Variants in HTD2 observed in about 807,000 individuals in gnomAD.
HTD2 encodes hydroxyacyl-thioester dehydratase type 2, also known as hydroxyacyl-thioester dehydratase type 2, mitochondrial.
Under a neutral mutation model 3.1 loss-of-function variants are expected in HTD2, and 1 was observed. The ratio of observed to expected loss-of-function variants is 0.32; its 90% CI spans 0.11 to 1.52. HTD2 has a LOEUF of 1.52. Ranked by LOEUF, HTD2 falls within the 40% of genes most tolerant of loss-of-function variation. The pLI is 0.39. For missense variants in HTD2, 150 were observed against 79.6 expected (o/e 1.88, Z -3.36); for synonymous variants, 50 against 28.9 (o/e 1.73, Z -2.34).
At chr3:58,306,278 G>A (rs1388570882), upstream of HTD2, 2 of 152,292 alleles carry the variant, frequency 1.3e-5, no homozygotes, top group Non-Finnish European at 2.9e-5. Context: ...CGTGGGGCGG[G>A]ACGAGGAGAA....
chr3:58,312,214 C>T (rs960687397), intron 2 of HTD2, among the ~76,000 whole-genome samples: 36 of 152,244 alleles, frequency 2.4e-4, no homozygotes, highest in African/African-American at 8.4e-4. Flanking sequence ...CATTTACATT[C>T]CTCCCAGTAG....
intron 1 of HTD2, among the ~76,000 whole-genome samples, chr3:58,308,735 T>C (rs1312060343): frequency 1.3e-5 from 2 of 152,230 alleles, no homozygotes; most frequent in Non-Finnish European, 2.9e-5. Flanking sequence ...CTTTCCTTGA[T>C]TGGGCCTCAG....
chr3:58,307,060 T>C (rs1202778399), intron 1 of HTD2, among the ~76,000 whole-genome samples: 1 of 151,958 alleles, frequency 6.6e-6, no homozygotes, highest in East Asian at 1.9e-4. Context: ...GGAAGATCTT[T>C]CCCAGCATGG....
At chr3:58,309,753 G>A (rs941038573) in intron 1 of HTD2, among the ~76,000 whole-genome samples, 3 of 152,116 alleles carry the variant, frequency 2.0e-5, no homozygotes, top group South Asian at 2.1e-4. Flanking sequence ...GTAGCCGGGC[G>A]TGGTAGCACA....
At position 58,319,635 on chromosome 3, in the gene HTD2, A is replaced by G. The variant is rs1006781088; in HGVS notation, c.*1515A>G. ...TATGAGTAATACATGCTTATAGTAA[A>G]AAAAAAAAAATTGTAAGAAATAAAT... is the stretch of plus-strand genomic sequence containing the variant. On this transcript the variant is annotated 3_prime_UTR_variant, in exon 5 of 5. Transcript: ENST00000461393. 1 of 150,558 alleles carries G rather than the reference A, an allele frequency of 6.6e-6. No homozygotes were observed. The highest frequency in any genetic ancestry group is 6.6e-5 in the Admixed American group (1 of 15,074). 9.3% of individuals were successfully genotyped at this position (150,558 alleles called of 1,614,324 possible).
chr3:58,314,076 C>T (rs893883593), intron 2 of HTD2, among the ~76,000 whole-genome samples: 9 of 152,046 alleles, frequency 5.9e-5, no homozygotes, highest in African/African-American at 1.4e-4. Context: ...ACACATGGGG[C>T]GTGGTGGCTC....
chr3:58,317,103 G>T (rs1286197585), intron 4 of HTD2, 110 bp downstream of exon 4: 2 of 773,356 alleles, frequency 2.6e-6, no homozygotes, highest in African/African-American at 1.7e-5. Flanking sequence ...TGGTTAAAAT[G>T]ATCTAAGTAG....
intron 1 of HTD2, 52 bp from the exon 2 acceptor site, chr3:58,310,455 A>C: frequency 6.2e-7 from 1 of 1,603,122 alleles, no homozygotes; most frequent in African/African-American, 1.3e-5. Flanking sequence ...TCTAACATGA[A>C]TCTGAATAGA....
Position 58,318,268 on chromosome 3 carries a change from G to C in HTD2, c.*148G>C, listed in dbSNP as rs1334898546. On this transcript the variant is annotated 3_prime_UTR_variant, in exon 5 of 5. Transcript: ENST00000461393. The stretch of plus-strand genomic sequence containing the variant: ...GGAGCAGGAAGAGGGTTGTTCAAAT[G>C]CCCACTTTCCAGTTTGGCCTTATGC... 2 of 554,248 alleles carry C rather than the reference G, an allele frequency of 3.6e-6. No individual in the cohort carries two copies. Among genetic ancestry groups the C allele is most frequent in the Non-Finnish European group, 6.3e-6 (2 of 317,096 alleles). The allele number at this position is 554,248 out of a possible 1,614,324, so 34.3% of individuals were successfully genotyped here. A position where few individuals can be genotyped will look rare whatever the true frequency, so the allele number is the denominator to read the frequency against.
chr3:58,314,350 C>A (rs2097485901), intron 2 of HTD2, among the ~76,000 whole-genome samples: 1 of 151,542 alleles, frequency 6.6e-6, no homozygotes, highest in South Asian at 2.1e-4. Flanking sequence ...GACTCTGTCT[C>A]AAAAAAATAA....
In HTD2 at chr3:58,318,406, C is replaced by G. The variant is rs2097490636; in HGVS notation, c.*286C>G. On this transcript the variant is annotated 3_prime_UTR_variant, in exon 5 of 5. Coordinates refer to ENST00000461393, the MANE Select transcript of HTD2 (RefSeq NM_001348712.2). ...GGCCCGGTGGCTCATGCCTGTAATC[C>G]TGGCACTTTGGGAGGCTGCGGCAGG... The G allele has an allele frequency of 4.5e-6, 1 of 224,006 alleles. No individual in the cohort carries two copies. The highest frequency in any genetic ancestry group is 8.6e-6 in the Non-Finnish European group (1 of 116,060). 13.9% of individuals were successfully genotyped at this position (224,006 alleles called of 1,614,324 possible). A position where few individuals can be genotyped will look rare whatever the true frequency, so the allele number is the denominator to read the frequency against.
chr3:58,310,222 A>AC, intron 1 of HTD2: 2 of 1,067,408 alleles, frequency 1.9e-6, no homozygotes, highest in African/African-American at 1.6e-5. Context: ...AAACAAACAA[A>AC]AAAAACCCAA....
chr3:58,310,168 CT>C (rs11303825), intron 1 of HTD2: 47,456 of 627,856 alleles, frequency 0.076, 2,140 homozygotes, highest in Middle Eastern at 0.11. Flanking sequence ...GATTGTACCA[CT>C]GCACTTCAGC....
Position 58,310,580 on chromosome 3 carries a change from C to A in HTD2, c.-342C>A. 1 of 1,611,668 alleles carries A rather than the reference C, an allele frequency of 6.2e-7. No homozygotes were observed. Among genetic ancestry groups the A allele is most frequent in the Non-Finnish European group, 8.5e-7 (1 of 1,179,070 alleles). On this transcript the variant is annotated 5_prime_UTR_variant, in exon 2 of 5. It adds an upstream start codon to the 5' untranslated region. Coordinates refer to ENST00000461393, the MANE Select transcript of HTD2 (RefSeq NM_001348712.2). ...GCTGCTTATTTCGGCTGTGAAGGAC[C>A]TGTTTGGGGAGGTATGGAATCACTT...
chr3:58,314,105 C>G (rs2097485321), intron 2 of HTD2, among the ~76,000 whole-genome samples: 1 of 151,838 alleles, frequency 6.6e-6, no homozygotes, highest in Admixed American at 6.6e-5. Context: ...AATCCCAGCA[C>G]TTTGGGAGGC....
intron 2 of HTD2, among the ~76,000 whole-genome samples, chr3:58,313,897 T>G (rs2097485072): frequency 6.6e-6 from 1 of 151,684 alleles, no homozygotes; most frequent in Non-Finnish European, 1.5e-5. Context: ...AATATATAAA[T>G]GACATTTGGC....
At chr3:58,317,365 TG>T (rs1298245443) in intron 4 of HTD2, 74 bp from the exon 5 acceptor site, 1 of 947,016 alleles carries the variant, frequency 1.1e-6, no homozygotes, top group East Asian at 2.4e-5. Context: ...CCTGTAAAAC[TG>T]GGCATGTTTC....
At chr3:58,310,008 T>TG (rs1476129901) in intron 1 of HTD2, 2 of 267,202 alleles carry the variant, frequency 7.5e-6, no homozygotes, top group African/African-American at 4.5e-5. Context: ...GAAACCAGCC[T>TG]GGGCAACATG....
At chr3:58,317,308 T>G in intron 4 of HTD2, 132 bp from the exon 5 acceptor site, 2 of 642,254 alleles carry the variant, frequency 3.1e-6, no homozygotes, top group Admixed American at 3.0e-5. Context: ...ATCGAAGGCT[T>G]CCTCTCAGGA....
Sources: gnomAD v4.1 joint callset for allele counts (sites outside exome capture counted in the v4.1 genomes callset) on GRCh38, gnomAD v4.1.1 for gene constraint, MANE v1.5 for transcripts, NCBI Gene and HGNC (gene_info 2026-07-23, HGNC 2026-07-21) for gene names.